The following C10orf90 variants were observed in gnomAD, a reference collection of about 807,000 sequenced individuals.
C10orf90 encodes (E2-independent) E3 ubiquitin-conjugating enzyme FATS.
In C10orf90, 56 loss-of-function variants were observed where a neutral mutation model predicts 62.5. The observed-to-expected ratio is 0.90, with a 90% CI of 0.72 to 1.12. The LOEUF is 1.12. Ranked by LOEUF, C10orf90 falls within the 50% of genes most tolerant of loss-of-function variation. The pLI is 0.00. For missense variants in C10orf90, 970 were observed against 880.4 expected (o/e 1.10, Z -1.29); for synonymous variants, 386 against 340.4 (o/e 1.13, Z -1.47).
chr10:126,582,464 G>A (rs1441194070), intron 2 of C10orf90, among the ~76,000 whole-genome samples: 34 of 152,184 alleles, frequency 2.2e-4, no homozygotes, highest in Admixed American at 2.2e-3. Context: ...GAGGGTGGAT[G>A]TGCATATCTG....
chr10:126,584,613 T>C (rs1844822946), intron 2 of C10orf90, among the ~76,000 whole-genome samples: 1 of 152,104 alleles, frequency 6.6e-6, no homozygotes, highest in Non-Finnish European at 1.5e-5. Flanking sequence ...AGAGATGTAC[T>C]TTGCTCACGT....
At chr10:126,460,446 C>T (rs1275866181) in intron 6 of C10orf90, among the ~76,000 whole-genome samples, 1 of 152,230 alleles carries the variant, frequency 6.6e-6, no homozygotes, top group Non-Finnish European at 1.5e-5. Flanking sequence ...GAAGTGTGGG[C>T]TCAGTCTGTA....
intron 1 of C10orf90, among the ~76,000 whole-genome samples, chr10:126,667,065 T>C (rs183379739): frequency 6.6e-6 from 1 of 151,230 alleles, no homozygotes; most frequent in South Asian, 2.1e-4. Context: ...TGTTTTGTTT[T>C]GTTTTGCTTT....
chr10:126,565,157 T>TA (rs1394673103), intron 2 of C10orf90, among the ~76,000 whole-genome samples: 2 of 60,628 alleles, frequency 3.3e-5, no homozygotes, highest in African/African-American at 1.1e-4. Context: ...ATATGTAATA[T>TA]AATATTTATA....
chr10:126,587,987 T>C (rs981278471), intron 2 of C10orf90, among the ~76,000 whole-genome samples: 2 of 152,232 alleles, frequency 1.3e-5, no homozygotes, highest in African/African-American at 4.8e-5. Flanking sequence ...GGCCCTGTTC[T>C]GTGGGCCCCA....
intron 2 of C10orf90, among the ~76,000 whole-genome samples, chr10:126,581,210 A>T (rs2134015907): frequency 6.6e-6 from 1 of 152,354 alleles, no homozygotes; most frequent in South Asian, 2.1e-4. Context: ...GGACCAACAG[A>T]GATATTCATG....
At chr10:126,553,308 A>G (rs1392696861) in intron 2 of C10orf90, among the ~76,000 whole-genome samples, 1 of 152,240 alleles carries the variant, frequency 6.6e-6, no homozygotes, top group Admixed American at 6.5e-5. Context: ...AGAAAAAGAT[A>G]GAAAACACAA....
At chr10:126,565,250 T>TATTATATATTATATTATA (rs1844336160) in intron 2 of C10orf90, among the ~76,000 whole-genome samples, 1 of 22,772 alleles carries the variant, frequency 4.4e-5, no homozygotes. Context: ...ATAATATTTA[T>TATTATATATTATATTATA]TATATTATAT....
At chr10:126,618,128 T>C (rs1040862623) in intron 2 of C10orf90, among the ~76,000 whole-genome samples, 1 of 152,200 alleles carries the variant, frequency 6.6e-6, no homozygotes, top group Admixed American at 6.5e-5. Flanking sequence ...TTTATTACCA[T>C]ATTTCATCAA....
chr10:126,431,498 T>C (rs912936607), intron 7 of C10orf90, among the ~76,000 whole-genome samples: 2 of 152,150 alleles, frequency 1.3e-5, no homozygotes, highest in Non-Finnish European at 2.9e-5. Flanking sequence ...AACATCCCAA[T>C]GGCATTTCCA....
chr10:126,485,220 C>T (rs565739906), intron 4 of C10orf90, among the ~76,000 whole-genome samples: 8 of 152,306 alleles, frequency 5.3e-5, no homozygotes, highest in Non-Finnish European at 1.0e-4. Flanking sequence ...ACTCAACAGT[C>T]CACAATAGGA....
intron 2 of C10orf90, among the ~76,000 whole-genome samples, chr10:126,574,832 T>C (rs1044104787): frequency 6.6e-6 from 1 of 152,158 alleles, no homozygotes; most frequent in Non-Finnish European, 1.5e-5. Context: ...CATACCACTC[T>C]GAATGTGCCT....
intron 2 of C10orf90, among the ~76,000 whole-genome samples, chr10:126,635,615 C>A (rs1370930786): frequency 1.3e-5 from 2 of 152,188 alleles, no homozygotes; most frequent in African/African-American, 2.4e-5. Context: ...AATGAGAAAG[C>A]AATCAGTGTC....
chr10:126,616,958 T>C (rs1233153069), intron 2 of C10orf90, among the ~76,000 whole-genome samples: 1 of 152,186 alleles, frequency 6.6e-6, no homozygotes, highest in Non-Finnish European at 1.5e-5. Context: ...GGCTATGTTA[T>C]CTAAGTTGAA....
At chr10:126,549,245 A>G (rs1486020367) in intron 2 of C10orf90, among the ~76,000 whole-genome samples, 1 of 152,214 alleles carries the variant, frequency 6.6e-6, no homozygotes, top group Non-Finnish European at 1.5e-5. Context: ...GAGAGAAAAT[A>G]TTTGCAAGCC....
At chr10:126,532,941 T>C (rs903614233) in intron 2 of C10orf90, among the ~76,000 whole-genome samples, 29 of 150,444 alleles carry the variant, frequency 1.9e-4, no homozygotes, top group African/African-American at 6.8e-4. Context: ...TATTTATTTA[T>C]TTATTTTTTG....
At chr10:126,457,588 T>A (rs547924971) in intron 7 of C10orf90, among the ~76,000 whole-genome samples, 2 of 152,318 alleles carry the variant, frequency 1.3e-5, no homozygotes, top group Admixed American at 6.5e-5. Context: ...AGTCTTGAGC[T>A]CTAAAGTGGC....
At chr10:126,532,877 G>T (rs1864140969) in intron 2 of C10orf90, among the ~76,000 whole-genome samples, 1 of 112,888 alleles carries the variant, frequency 8.9e-6, no homozygotes, top group Non-Finnish European at 1.9e-5. Flanking sequence ...CAAAACAAGT[G>T]TTTTCAAAAA....
intron 2 of C10orf90, among the ~76,000 whole-genome samples, chr10:126,516,551 C>T (rs1193280058): frequency 1.3e-5 from 2 of 152,220 alleles, no homozygotes; most frequent in Non-Finnish European, 2.9e-5. Context: ...AATTAAATGA[C>T]ATAACCAGCC....
Sources: gnomAD v4.1 joint callset for allele counts (sites outside exome capture counted in the v4.1 genomes callset) on GRCh38, gnomAD v4.1.1 for gene constraint, MANE v1.5 for transcripts, NCBI Gene and HGNC (gene_info 2026-07-23, HGNC 2026-07-21) for gene names.